UNC13B: variants seen among roughly 807,000 people sequenced by gnomAD.
UNC13B encodes the protein protein unc-13 homolog B.
A neutral mutation model predicts 211.0 loss-of-function variants in UNC13B; 144 were observed. The ratio of observed to expected loss-of-function variants is 0.68; its 90% CI spans 0.60 to 0.78. The LOEUF (loss-of-function observed/expected upper bound fraction) is 0.78, where lower values mean the gene tolerates loss of function less well. Ranked by LOEUF, UNC13B falls within the 30% of genes least tolerant of loss-of-function variation. The pLI is 0.00. For synonymous variants in UNC13B, 709 were observed against 725.8 expected, an observed-to-expected ratio of 0.98 and a Z score of 0.37; for missense variants, 1,777 against 2,002.0, an observed-to-expected ratio of 0.89 and a Z score of 2.14.
intron 1 of UNC13B, among the ~76,000 whole-genome samples, chr9:35,192,625 A>C (rs1822719429): frequency 6.6e-6 from 1 of 152,210 alleles, no homozygotes; most frequent in Non-Finnish European, 1.5e-5. Context: ...GTTCCCCTGG[A>C]AGTTACTTCT....
chr9:35,204,920 A>G lies in UNC13B; in HGVS notation c.23-23095A>G, dbSNP rs376640252. On this transcript the variant is annotated intron_variant, in intron 1 of 39. Transcript: ENST00000635942. ...CATGAGATTTGGAGAGGCCAGGGGC[A>G]GAATGATATGGTTTGCCTCTGTGCC... Among the ~76,000 whole-genome samples, 45 of 152,320 alleles carry G rather than the reference A, an allele frequency of 3.0e-4. No individual in the cohort carries two copies. The South Asian group carries it at 8.9e-3, about 30-fold the overall frequency.
intron 1 of UNC13B, 78 bp from the exon 2 acceptor site, chr9:35,227,937 T>TG: frequency 1.6e-6 from 2 of 1,221,702 alleles, no homozygotes; most frequent in Non-Finnish European, 2.4e-6. Context: ...AACATTGGTA[T>TG]GTAGTGCCTA....
chr9:35,187,761 C>T (rs1482716478), intron 1 of UNC13B, among the ~76,000 whole-genome samples: 1 of 152,106 alleles, frequency 6.6e-6, no homozygotes, highest in Non-Finnish European at 1.5e-5. Flanking sequence ...TCTTAAGGTC[C>T]CAAGATAAAC....
At chr9:35,346,297 G>A (rs1048526433) in intron 11 of UNC13B, among the ~76,000 whole-genome samples, 1 of 152,080 alleles carries the variant, frequency 6.6e-6, no homozygotes. Flanking sequence ...TATGTACATC[G>A]AGTCCTGGCC....
At position 35,236,537 on chromosome 9, in the gene UNC13B, T is replaced by G. The variant is rs373656914; in HGVS notation, c.221T>G (p.Met74Arg). 1.9e-6 allele frequency: 3 copies of G among 1,614,008 alleles called. No homozygotes were observed. The highest frequency in any genetic ancestry group is 2.5e-6 in the Non-Finnish European group (3 of 1,179,992). ...AACAAAGGACTGATCTGGGACACCA[T>G]GGTGGGGACTGTGTGGATTGCGCTG... ...VWNKGLIWDT[M>R]VGTVWIALKT... is the part of the protein sequence containing the mutation. Residue 74 changes from methionine to arginine, a missense_variant, in exon 4 of 40, where the codon ATG becomes AGG. Transcript: ENST00000635942.
At chr9:35,227,955 T>G in intron 1 of UNC13B, 60 bp from the exon 2 acceptor site, 1 of 1,484,578 alleles carries the variant, frequency 6.7e-7, no homozygotes. Flanking sequence ...CTAATAAATG[T>G]TGCTTAAGTA....
intron 29 of UNC13B, 60 bp from the exon 30 acceptor site, chr9:35,397,575 A>T: frequency 6.4e-7 from 1 of 1,552,690 alleles, no homozygotes; most frequent in Non-Finnish European, 8.8e-7. Context: ...ACCTCAGGCA[A>T]GATCCCCATA....
intron 11 of UNC13B, 125 bp from the exon 12 acceptor site, chr9:35,366,822 G>C: frequency 1.3e-6 from 1 of 772,506 alleles, no homozygotes; most frequent in South Asian, 1.6e-5. Flanking sequence ...TGTCAGACAG[G>C]CTGTCACCAC....
At chr9:35,201,496 A>G (rs1182359049) in intron 1 of UNC13B, among the ~76,000 whole-genome samples, 2 of 152,218 alleles carry the variant, frequency 1.3e-5, no homozygotes, top group African/African-American at 2.4e-5. Flanking sequence ...GCTATTAATT[A>G]GTGCCTCAAT....
chr9:35,209,918 A>G (rs1488328307), intron 1 of UNC13B, among the ~76,000 whole-genome samples: 1 of 151,906 alleles, frequency 6.6e-6, no homozygotes, highest in Non-Finnish European at 1.5e-5. Flanking sequence ...TAGGTGCCTT[A>G]CCCTTCTTTT....
chr9:35,307,661 C>T lies in UNC13B; in HGVS notation c.8257C>T (p.Pro2753Ser), dbSNP rs1829992336. 5.0e-6 allele frequency: 2 copies of T among 399,014 alleles called. No homozygotes were observed. Among genetic ancestry groups the T allele is most frequent in the Non-Finnish European group, 4.4e-6 (1 of 226,088 alleles). The allele number at this position is 399,014 out of a possible 1,614,324, so 24.7% of individuals were successfully genotyped here. A position where few individuals can be genotyped will look rare whatever the true frequency, so the allele number is the denominator to read the frequency against. The part of the protein sequence containing the change: ...IHAQKDPPVV[P>S]QETEQSRPRF... Reference sequence around the variant, plus strand: ...TGCCCAGAAAGATCCACCTGTAGTACCCCAGGAAACAGAGCAGTCAAGACC... The same window carrying T: ...TGCCCAGAAAGATCCACCTGTAGTATCCCAGGAAACAGAGCAGTCAAGACC... Residue 2753 changes from proline (P) to serine (S), a missense_variant, in exon 9 of 40, where the codon CCC becomes TCC. By Grantham distance (74) the Pro-to-Ser change is moderately conservative. Transcript: ENST00000635942.
At chr9:35,210,341 C>T (rs1823898494) in intron 1 of UNC13B, among the ~76,000 whole-genome samples, 1 of 152,126 alleles carries the variant, frequency 6.6e-6, no homozygotes, top group Non-Finnish European at 1.5e-5. Context: ...CTCAGTTACA[C>T]TAACCACATT....
intron 7 of UNC13B, among the ~76,000 whole-genome samples, chr9:35,271,850 A>G (rs7868818): frequency 0.95 from 144,408 of 152,308 alleles, 68,934 homozygotes; most frequent in Non-Finnish European, 1. Context: ...TACTTACATC[A>G]AAACCATCCT....
chr9:35,399,843 G>C (rs187755004), intron 36 of UNC13B, 114 bp downstream of exon 36: 142 of 1,017,180 alleles, frequency 1.4e-4, no homozygotes, highest in Admixed American at 2.5e-4. Flanking sequence ...ATCCAGAAGA[G>C]AGTTACTATG....
In UNC13B at chr9:35,364,647, A is replaced by ATG. The variant is rs34002086; in HGVS notation, c.9415-2284_9415-2283dup. 28,161 of 1,355,740 alleles carry ATG rather than the reference A, an allele frequency of 0.021. 2,248 individuals carry two copies. The African/African-American group carries it at 0.28, about 14-fold the overall frequency. 84.0% of individuals were successfully genotyped at this position (1,355,740 alleles called of 1,614,324 possible). A position where few individuals can be genotyped will look rare whatever the true frequency, so the allele number is the denominator to read the frequency against. ...TCCCAAGCACTGTATGTGTGTGTGT[A>ATG]TGTGTGTGTGTGTGTGTACATGCAC... On this transcript the variant is annotated intron_variant, in intron 11 of 39. Coordinates refer to ENST00000635942, the MANE Select transcript of UNC13B (RefSeq NM_001371189.2).
chr9:35,386,461 A>G (rs1835200763), intron 24 of UNC13B, among the ~76,000 whole-genome samples, 168 bp downstream of exon 24: 2 of 152,176 alleles, frequency 1.3e-5, no homozygotes, highest in South Asian at 4.1e-4. Flanking sequence ...ATGTGGATGG[A>G]AAGAGACCCC....
chr9:35,300,189 T>G lies in UNC13B; in HGVS notation c.785T>G (p.Leu262Arg), dbSNP rs1252956500. The G allele has an allele frequency of 2.5e-6, 1 of 398,608 alleles. No individual in the cohort carries two copies. The highest frequency in any genetic ancestry group is 3.6e-5 in the East Asian group (1 of 28,050). 24.7% of individuals were successfully genotyped at this position (398,608 alleles called of 1,614,324 possible). Residue 262 changes from leucine (L) to arginine (R), a missense_variant, in exon 9 of 40, where the codon CTA becomes CGA. Transcript: ENST00000635942. ...AGGTATGCTCAGAAATATGATACAC[T>G]AGATAGAAGAAGAAAAAAGAAATCC... ...AIRYAQKYDT[L>R]DRRRKKKSLY... is the part of the protein sequence containing the mutation.
At chr9:35,258,837 C>T (rs899961834) in intron 6 of UNC13B, among the ~76,000 whole-genome samples, 156 bp from the exon 7 acceptor site, 1 of 152,224 alleles carries the variant, frequency 6.6e-6, no homozygotes. Flanking sequence ...GTCAACATCA[C>T]ACAGAGAAAA....
chr9:35,268,475 C>T (rs1827697099), intron 7 of UNC13B, among the ~76,000 whole-genome samples: 2 of 152,200 alleles, frequency 1.3e-5, no homozygotes. Context: ...AAAAATTAGC[C>T]AGGTGTGGTG....
Sources: gnomAD v4.1 joint callset for allele counts (sites outside exome capture counted in the v4.1 genomes callset) on GRCh38, gnomAD v4.1.1 for gene constraint, MANE v1.5 for transcripts, NCBI Gene and HGNC (gene_info 2026-07-23, HGNC 2026-07-21) for gene names.